Variants in PKP4 observed in about 807,000 individuals in gnomAD.
The protein encoded by PKP4 is plakophilin-4.
In PKP4, 90 loss-of-function variants were observed where a neutral mutation model predicts 145.1. That is an observed-to-expected ratio of 0.62 (90% CI 0.52 to 0.74). The LOEUF (loss-of-function observed/expected upper bound fraction) is 0.74. Ranked by LOEUF, PKP4 falls within the 30% of genes least tolerant of loss-of-function variation. PKP4 has a pLI of 0.00. For synonymous variants in PKP4, 563 were observed against 577.2 expected (o/e 0.98, Z 0.35); for missense variants, 1,340 against 1,482.7 (o/e 0.90, Z 1.58).
chr2:158,563,902 T>G (rs1300903581), intron 2 of PKP4, among the ~76,000 whole-genome samples: 1 of 152,152 alleles, frequency 6.6e-6, no homozygotes, highest in African/African-American at 2.4e-5. Flanking sequence ...CTTTAATGGC[T>G]TCAGAAAAGC....
intron 9 of PKP4, among the ~76,000 whole-genome samples, chr2:158,635,273 C>T (rs1349519191): frequency 6.6e-6 from 1 of 152,086 alleles, no homozygotes; most frequent in African/African-American, 2.4e-5. Context: ...TCACTAAAAC[C>T]GCTTCACTTA....
intron 1 of PKP4, among the ~76,000 whole-genome samples, chr2:158,532,781 G>A (rs1279288970): frequency 6.6e-6 from 1 of 152,196 alleles, no homozygotes; most frequent in African/African-American, 2.4e-5. Flanking sequence ...CTTGTTGCTA[G>A]TTATTAATAT....
At chr2:158,487,918 T>C (rs1357662609) in intron 1 of PKP4, among the ~76,000 whole-genome samples, 1 of 152,158 alleles carries the variant, frequency 6.6e-6, no homozygotes. Flanking sequence ...CCATGTAAAA[T>C]AAGTTTAGTA....
At chr2:158,497,569 TG>T (rs1383387976) in intron 1 of PKP4, among the ~76,000 whole-genome samples, 2 of 152,236 alleles carry the variant, frequency 1.3e-5, no homozygotes, top group African/African-American at 4.8e-5. Context: ...AGAGTGGTGG[TG>T]AACAGCTTAG....
chr2:158,616,110 T>C (rs1432192156), intron 4 of PKP4, among the ~76,000 whole-genome samples: 1 of 152,228 alleles, frequency 6.6e-6, no homozygotes, highest in South Asian at 2.1e-4. Context: ...TTAAAATATC[T>C]GTCAACTTGT....
At chr2:158,627,168 C>T (rs2052879490) in intron 7 of PKP4, among the ~76,000 whole-genome samples, 1 of 152,060 alleles carries the variant, frequency 6.6e-6, no homozygotes, top group Non-Finnish European at 1.5e-5. Context: ...TCTGAAATGC[C>T]TCTGAAAAGT....
intron 17 of PKP4, among the ~76,000 whole-genome samples, chr2:158,672,188 G>A: frequency 6.6e-6 from 1 of 152,182 alleles, no homozygotes; most frequent in East Asian, 1.9e-4. Context: ...CTCAGGATGA[G>A]GACTGCAACT....
intron 19 of PKP4, among the ~76,000 whole-genome samples, chr2:158,676,430 A>G (rs963198227): frequency 6.6e-6 from 1 of 152,064 alleles, no homozygotes; most frequent in Non-Finnish European, 1.5e-5. Flanking sequence ...ATTGAGACAG[A>G]CTAGTGGGGA....
At chr2:158,563,997 A>T (rs1262824138) in intron 2 of PKP4, among the ~76,000 whole-genome samples, 2 of 152,222 alleles carry the variant, frequency 1.3e-5, no homozygotes, top group Admixed American at 1.3e-4. Flanking sequence ...GTACATGCAA[A>T]TAATACTTCG....
At position 158,524,195 on chromosome 2, in the gene PKP4, T is replaced by C. The variant is rs1337464887; in HGVS notation, c.-5-8985T>C. Reference sequence around the variant, plus strand: ...CACATAATTGTCAGATTCACCAAAGTTGAAATGAAGGAAAAAATGTTAAGG... The same window carrying C: ...CACATAATTGTCAGATTCACCAAAGCTGAAATGAAGGAAAAAATGTTAAGG... On this transcript the variant is annotated intron_variant, in intron 1 of 21. Transcript: ENST00000389759. Among the ~76,000 whole-genome samples, 6 of 110,494 alleles carry C rather than the reference T, an allele frequency of 5.4e-5. No individual in the cohort carries two copies. In the East Asian group the frequency reaches 1.6e-3, roughly 29 times the overall value. The allele number at this position is 110,494 out of a possible 152,430, so 72.5% of individuals were successfully genotyped here. A position where few individuals can be genotyped will look rare whatever the true frequency, so the allele number is the denominator to read the frequency against.
At chr2:158,472,894 GA>G (rs1691824380) in intron 1 of PKP4, among the ~76,000 whole-genome samples, 1 of 152,136 alleles carries the variant, frequency 6.6e-6, no homozygotes, top group Non-Finnish European at 1.5e-5. Context: ...CAGAATGGGA[GA>G]AAATATTTGC....
At chr2:158,478,063 T>A (rs551840091) in intron 1 of PKP4, among the ~76,000 whole-genome samples, 42 of 152,304 alleles carry the variant, frequency 2.8e-4, no homozygotes, top group African/African-American at 9.9e-4. Context: ...TAAAATAGAC[T>A]GGCAAAGGTT....
In PKP4 at chr2:158,661,436, G is replaced by T; in HGVS notation, c.2197G>T (p.Asp733Tyr). The change falls in exon 13 of 22, where the codon GAT (aspartate) becomes TAT (tyrosine). Residue 733 changes from aspartate (D) to tyrosine (Y), a missense_variant. Physicochemically the swap from Asp to Tyr is radical, Grantham distance 160 (BLOSUM62 -3). Coordinates refer to ENST00000389759, the MANE Select transcript of PKP4 (RefSeq NM_003628.6). ...GATCCACACGTGTGTGAACACATCC[G>T]ATTACGACAGCAAGGTCAGTGCCGG... ...YVIHTCVNTS[D>Y]YDSKTVENCV... 1.2e-6 allele frequency: 2 copies of T among 1,609,448 alleles called. No homozygotes were observed. Among genetic ancestry groups the T allele is most frequent in the South Asian group, 1.1e-5 (1 of 90,888 alleles).
chr2:158,492,245 G>C (rs1459904975), intron 1 of PKP4, among the ~76,000 whole-genome samples: 1 of 151,838 alleles, frequency 6.6e-6, no homozygotes, highest in East Asian at 1.9e-4. Flanking sequence ...GGCATCACAG[G>C]GAATAGGAAA....
chr2:158,646,846 C>T (rs1171525614), intron 11 of PKP4, among the ~76,000 whole-genome samples: 1 of 152,124 alleles, frequency 6.6e-6, no homozygotes, highest in African/African-American at 2.4e-5. Context: ...GCACAGGAAG[C>T]TCATTACCTG....
intron 2 of PKP4, among the ~76,000 whole-genome samples, chr2:158,552,325 G>A (rs371947493): frequency 2.0e-5 from 3 of 152,328 alleles, no homozygotes; most frequent in East Asian, 3.9e-4. Context: ...AGAACTGTGA[G>A]AATAAATTTT....
At chr2:158,596,321 G>A (rs1399990442) in intron 3 of PKP4, among the ~76,000 whole-genome samples, 6 of 152,046 alleles carry the variant, frequency 3.9e-5, no homozygotes, top group Non-Finnish European at 5.9e-5. Flanking sequence ...AAACGTGGGC[G>A]TTTTTAAACT....
intron 4 of PKP4, among the ~76,000 whole-genome samples, chr2:158,618,950 C>T (rs1449530312): frequency 2.0e-5 from 3 of 151,916 alleles, no homozygotes; most frequent in Non-Finnish European, 4.4e-5. Flanking sequence ...TTTTCTTTTC[C>T]AAGACAGAAC....
intron 15 of PKP4, among the ~76,000 whole-genome samples, chr2:158,663,798 TGGA>T (rs1048330965): frequency 1.6e-4 from 25 of 152,210 alleles, no homozygotes; most frequent in African/African-American, 6.0e-4. Context: ...AGTAAGGACG[TGGA>T]GGAGATTTCC....
Sources: allele counts gnomAD v4.1 joint callset (sites outside exome capture counted in the v4.1 genomes callset), GRCh38; gene constraint gnomAD v4.1.1; transcripts MANE v1.5; gene names NCBI Gene and HGNC (gene_info 2026-07-23, HGNC 2026-07-21).